DYSF: variants seen among roughly 807,000 people sequenced by gnomAD.
DYSF encodes the protein dysferlin.
Under a neutral mutation model 274.9 loss-of-function variants are expected in DYSF, and 212 were observed. The observed-to-expected ratio is 0.77, with a 90% CI of 0.69 to 0.86. The LOEUF is 0.86. Ranked by LOEUF, DYSF falls within the 40% of genes least tolerant of loss-of-function variation. The probability of loss-of-function intolerance (pLI) is 0.00; values close to 1 mark genes in which losing one functional copy is unlikely to be tolerated. For synonymous variants in DYSF, 1,091 were observed against 1,078.7 expected, an observed-to-expected ratio of 1.01 and a Z score of -0.22; for missense variants, 2,666 against 2,783.2, an observed-to-expected ratio of 0.96 and a Z score of 0.95.
At chr2:71,626,554 C>T (rs2094211514) in intron 41 of DYSF, among the ~76,000 whole-genome samples, 1 of 151,622 alleles carries the variant, frequency 6.6e-6, no homozygotes, top group South Asian at 2.1e-4. Context: ...ACTTAAACAA[C>T]TTTGCATTTC....
chr2:71,536,971 C>G (rs2089405663), intron 16 of DYSF, among the ~76,000 whole-genome samples: 1 of 152,068 alleles, frequency 6.6e-6, no homozygotes, highest in African/African-American at 2.4e-5. Context: ...AAAAACCAAA[C>G]CAAACAACAA....
At chr2:71,569,579 G>A (rs2092309079) in intron 26 of DYSF, among the ~76,000 whole-genome samples, 1 of 151,878 alleles carries the variant, frequency 6.6e-6, no homozygotes. Context: ...TCTTCAGTTG[G>A]CCCCCTTTTC....
At chr2:71,522,853 C>T (rs2087449360) in intron 12 of DYSF, among the ~76,000 whole-genome samples, 1 of 152,150 alleles carries the variant, frequency 6.6e-6, no homozygotes, top group Non-Finnish European at 1.5e-5. Context: ...GCCAGAGTTT[C>T]ATTCTTTACC....
intron 1 of DYSF, among the ~76,000 whole-genome samples, chr2:71,478,433 A>G (rs190390263): frequency 3.8e-4 from 58 of 152,022 alleles, no homozygotes; most frequent in Non-Finnish European, 5.7e-4. Context: ...GGATGGTCTC[A>G]ATCTCCTGGT....
chr2:71,548,457 G>A (rs533678347), intron 17 of DYSF, among the ~76,000 whole-genome samples: 7 of 152,270 alleles, frequency 4.6e-5, no homozygotes, highest in Admixed American at 2.6e-4. Context: ...CTCAGACTGC[G>A]TTACACTTTA....
At chr2:71,553,753 T>TA in intron 20 of DYSF, 54 bp from the exon 21 acceptor site, 3 of 567,524 alleles carry the variant, frequency 5.3e-6, no homozygotes, top group Non-Finnish European at 9.0e-6. Flanking sequence ...TAGCACCCCA[T>TA]CCCACCCGCC....
intron 53 of DYSF, among the ~76,000 whole-genome samples, chr2:71,679,592 C>T (rs968074530): frequency 3.3e-5 from 5 of 152,010 alleles, no homozygotes; most frequent in African/African-American, 9.7e-5. Context: ...TTGAGCAGGA[C>T]CCTCCAAGGG....
intron 36 of DYSF, among the ~76,000 whole-genome samples, chr2:71,607,713 G>A (rs1405382854): frequency 6.6e-6 from 1 of 152,160 alleles, no homozygotes; most frequent in East Asian, 1.9e-4. Flanking sequence ...GTCAGGCAGG[G>A]CGATGAGGGG....
At chr2:71,492,535 A>G (rs904463932) in intron 3 of DYSF, among the ~76,000 whole-genome samples, 16 of 152,248 alleles carry the variant, frequency 1.1e-4, no homozygotes, top group Non-Finnish European at 2.2e-4. Flanking sequence ...AGAAATGGAT[A>G]CATGGTAACC....
At chr2:71,481,845 A>G (rs376998978) in intron 2 of DYSF, 34 bp from the exon 3 acceptor site, 11 of 1,572,614 alleles carry the variant, frequency 7.0e-6, no homozygotes, top group East Asian at 4.5e-5. Flanking sequence ...CTAGAGGGCC[A>G]TAGGTTAAGA....
chr2:71,517,148 G>A, intron 10 of DYSF, 109 bp downstream of exon 10: 1 of 1,089,152 alleles, frequency 9.2e-7, no homozygotes, highest in South Asian at 1.3e-5. Context: ...CTCTGCTTTG[G>A]GAAAATATAA....
chr2:71,454,095 G>A, intron 1 of DYSF: 2 of 1,613,222 alleles, frequency 1.2e-6, no homozygotes, highest in Non-Finnish European at 1.7e-6. Context: ...AGGTAGGAGG[G>A]GCCGACCACC....
intron 26 of DYSF, among the ~76,000 whole-genome samples, chr2:71,568,907 C>T (rs2092271103): frequency 1.4e-5 from 2 of 147,636 alleles, no homozygotes; most frequent in South Asian, 2.2e-4. Context: ...GAGTCTCGCT[C>T]GGTCGCCCAG....
intron 10 of DYSF, 116 bp downstream of exon 10, chr2:71,517,155 A>G (rs2086744239): frequency 4.8e-6 from 5 of 1,040,156 alleles, no homozygotes; most frequent in Non-Finnish European, 7.4e-6. Flanking sequence ...TTGGGAAAAT[A>G]TAATTTCAAA....
chr2:71,669,253 C>T (rs745612366), intron 50 of DYSF, 46 bp downstream of exon 50: 35 of 1,488,478 alleles, frequency 2.4e-5, no homozygotes, highest in Non-Finnish European at 3.0e-5. Context: ...CCGCAGCTCC[C>T]GTGCTCCCTC....
chr2:71,665,092 C>T (rs1223204867), intron 46 of DYSF, 70 bp from the exon 47 acceptor site: 3 of 1,605,968 alleles, frequency 1.9e-6, no homozygotes, highest in Non-Finnish European at 8.5e-7. Context: ...GTACACCAGT[C>T]CCTGCATGCC....
chr2:71,660,589 G>A lies in DYSF; in HGVS notation c.4941G>A (p.Gly1647=). Reference sequence around the variant, plus strand: ...ATCCTTACATCAAGATCTCCATAGGGAAGAAATCAGTGAGTGACCAGGATA... The same window carrying A: ...ATCCTTACATCAAGATCTCCATAGGAAAGAAATCAGTGAGTGACCAGGATA... ...KCDPYIKISI[G]KKSVSDQDNY... Residue 1647 remains glycine, a synonymous_variant, in exon 45 of 56, where the codon GGG becomes GGA. Coordinates refer to ENST00000410020, the MANE Select transcript of DYSF (RefSeq NM_001130987.2). The A allele has an allele frequency of 6.2e-7, 1 of 1,614,158 alleles. No homozygotes were observed. The highest frequency in any genetic ancestry group is 1.3e-5 in the African/African-American group (1 of 75,056).
intron 55 of DYSF, among the ~76,000 whole-genome samples, chr2:71,685,804 A>G (rs904119113): frequency 1.6e-4 from 24 of 152,286 alleles, no homozygotes; most frequent in East Asian, 3.9e-4. Context: ...TACTGTCCCA[A>G]TTAGGAGCCC....
At chr2:71,472,401 A>G (rs190561788) in intron 1 of DYSF, among the ~76,000 whole-genome samples, 20 of 152,182 alleles carry the variant, frequency 1.3e-4, no homozygotes, top group Non-Finnish European at 2.6e-4. Context: ...TAAATCTTTG[A>G]CACTTTCTTT....
Sources: gnomAD v4.1 joint callset for allele counts (sites outside exome capture counted in the v4.1 genomes callset) on GRCh38, gnomAD v4.1.1 for gene constraint, MANE v1.5 for transcripts, NCBI Gene and HGNC (gene_info 2026-07-23, HGNC 2026-07-21) for gene names.